Variants in CFAP61 observed in about 807,000 individuals in gnomAD.
CFAP61 encodes cilia- and flagella-associated protein 61.
CFAP61 carries 107 observed loss-of-function variants against 135.6 expected under a neutral mutation model. The ratio of observed to expected loss-of-function variants is 0.79; its 90% CI spans 0.67 to 0.93. CFAP61 has a LOEUF of 0.93. CFAP61 is among the 40% of genes least tolerant of loss of function. CFAP61 has a pLI of 0.00. For synonymous variants in CFAP61, 575 were observed against 578.5 expected (o/e 0.99, Z 0.09); for missense variants, 1,507 against 1,556.2 (o/e 0.97, Z 0.53).
Position 20,360,363 on chromosome 20 carries a change from T to C in CFAP61, c.3667T>C (p.Tyr1223His), listed in dbSNP as rs570689689. The C allele has an allele frequency of 2.5e-6, 4 of 1,613,908 alleles. No individual in the cohort carries two copies. The highest frequency in any genetic ancestry group is 3.3e-5 in the Admixed American group (2 of 60,030). The change falls in exon 27 of 27, where the codon TAT becomes CAT. Residue 1223 changes from tyrosine to histidine, a missense_variant. By Grantham distance (83) the Tyr-to-His change is moderately conservative (BLOSUM62 2). Coordinates refer to ENST00000245957, the MANE Select transcript of CFAP61 (RefSeq NM_015585.4). ...VERSTLDYLH[Y>H]NRYHLPMYAW... ...GAGAAGCACTCTTGACTACCTGCACTATAACCGCTACCACCTGCCCATGTA... is the reference window on the plus strand; with the variant it reads ...GAGAAGCACTCTTGACTACCTGCACCATAACCGCTACCACCTGCCCATGTA...
At position 20,196,704 on chromosome 20, in the gene CFAP61, G is replaced by A; in HGVS notation, c.1725G>A (p.Leu575=). 2 of 1,614,166 alleles carry A rather than the reference G, an allele frequency of 1.2e-6. No individual in the cohort carries two copies. The highest frequency in any genetic ancestry group is 4.5e-5 in the East Asian group (2 of 44,872). The change falls in exon 16 of 27, where the codon CTG becomes CTA. Residue 575 remains leucine (L), a synonymous_variant. Coordinates refer to ENST00000245957, the MANE Select transcript of CFAP61 (RefSeq NM_015585.4). Reference sequence around the variant, plus strand: ...TCCGGCACTACACCAAGTTCTTTCTGAAGGAGATCCTGCGTTTAGGCTTTA... The same window carrying A: ...TCCGGCACTACACCAAGTTCTTTCTAAAGGAGATCCTGCGTTTAGGCTTTA... ...PIFRHYTKFF[L]KEILRLGFKS...
intron 8 of CFAP61, among the ~76,000 whole-genome samples, chr20:20,109,152 A>T (rs1444652986): frequency 6.6e-6 from 1 of 152,112 alleles, no homozygotes; most frequent in Non-Finnish European, 1.5e-5. Context: ...AGTCCATCCT[A>T]TCTGGTGTGA....
intron 25 of CFAP61, among the ~76,000 whole-genome samples, chr20:20,303,151 A>G (rs531723273): frequency 6.6e-6 from 1 of 152,246 alleles, no homozygotes; most frequent in African/African-American, 2.4e-5. Context: ...TTACAGAAAG[A>G]TTTTGGTTGG....
At chr20:20,270,940 G>A (rs371685805) in intron 21 of CFAP61, among the ~76,000 whole-genome samples, 1 of 152,288 alleles carries the variant, frequency 6.6e-6, no homozygotes, top group African/African-American at 2.4e-5. Flanking sequence ...TCGAATTGCT[G>A]GGATTAGAGG....
chr20:20,335,176 T>C (rs2058137055), intron 25 of CFAP61, among the ~76,000 whole-genome samples: 1 of 152,200 alleles, frequency 6.6e-6, no homozygotes, highest in South Asian at 2.1e-4. Flanking sequence ...TGGAAAATAT[T>C]CTGTGGGTTT....
At chr20:20,292,985 A>G (rs2055110112) in intron 24 of CFAP61, among the ~76,000 whole-genome samples, 2 of 152,184 alleles carry the variant, frequency 1.3e-5, no homozygotes, top group Non-Finnish European at 2.9e-5. Context: ...TGTGTGGGAT[A>G]GGGACACTGT....
intron 14 of CFAP61, among the ~76,000 whole-genome samples, chr20:20,189,630 C>G (rs1262071227): frequency 6.6e-6 from 1 of 152,180 alleles, no homozygotes; most frequent in Non-Finnish European, 1.5e-5. Context: ...AGTGGAATAT[C>G]CCTGCACACC....
chr20:20,107,818 G>A (rs1024594877), intron 8 of CFAP61: 10 of 151,984 alleles, frequency 6.6e-5, no homozygotes, highest in African/African-American at 2.4e-4. Context: ...TTTGGAGACA[G>A]GGTTTCGTTT....
At chr20:20,338,838 C>T (rs754395716) in intron 25 of CFAP61, among the ~76,000 whole-genome samples, 3 of 152,216 alleles carry the variant, frequency 2.0e-5, no homozygotes, top group Non-Finnish European at 4.4e-5. Context: ...CCTCTGGAGA[C>T]GTCTAGTCAA....
intron 17 of CFAP61, among the ~76,000 whole-genome samples, chr20:20,200,348 G>A (rs908481266): frequency 1.3e-5 from 2 of 152,054 alleles, no homozygotes. Flanking sequence ...CGGGTCCTAA[G>A]CTGGTTTGTT....
chr20:20,132,949 A>T (rs1312714541), intron 8 of CFAP61, among the ~76,000 whole-genome samples: 2 of 152,004 alleles, frequency 1.3e-5, no homozygotes, highest in Non-Finnish European at 2.9e-5. Flanking sequence ...CTAGTGTCAT[A>T]ATTATTGTCT....
At chr20:20,236,613 C>T (rs532580440) in intron 18 of CFAP61, among the ~76,000 whole-genome samples, 8 of 152,224 alleles carry the variant, frequency 5.3e-5, no homozygotes, top group South Asian at 2.1e-4. Context: ...AAGCATTTCA[C>T]GAAGTCTCAT....
chr20:20,083,333 G>C (rs991932345), intron 6 of CFAP61, among the ~76,000 whole-genome samples: 1 of 151,938 alleles, frequency 6.6e-6, no homozygotes, highest in Admixed American at 6.6e-5. Flanking sequence ...GGACCGTGGG[G>C]GCTGGGGAGG....
intron 26 of CFAP61, among the ~76,000 whole-genome samples, chr20:20,358,006 G>C (rs1456046223): frequency 7.3e-6 from 1 of 136,620 alleles, no homozygotes; most frequent in African/African-American, 2.8e-5. Flanking sequence ...AGGGGAGGTG[G>C]TCACAGTGTG....
intron 7 of CFAP61, among the ~76,000 whole-genome samples, chr20:20,096,699 G>A (rs1383877737): frequency 6.6e-6 from 1 of 152,214 alleles, no homozygotes; most frequent in East Asian, 1.9e-4. Flanking sequence ...ACATATGGTA[G>A]ATGGATTGGT....
At chr20:20,130,119 C>T (rs911078841) in intron 8 of CFAP61, among the ~76,000 whole-genome samples, 22 of 151,398 alleles carry the variant, frequency 1.5e-4, no homozygotes, top group African/African-American at 5.1e-4. Context: ...GAAACCCCGT[C>T]TCTACTAAAG....
rs370005534 is a variant in CFAP61, at chr20:20,301,330, A to G, written c.3422+2944A>G. ...AGAAACCTGTACAAGTTTGTAACCT[A>G]GGAGCAACAGGGGCATATAGGCCAG... On this transcript the variant is annotated intron_variant, in intron 25 of 26. Transcript: ENST00000245957. 9.2e-5 allele frequency among the ~76,000 whole-genome samples: 14 copies of G among 152,356 alleles called. No homozygotes were observed. The South Asian group carries it at 2.9e-3, about 32-fold the overall frequency.
intron 5 of CFAP61, 84 bp from the exon 6 acceptor site, chr20:20,075,405 T>C: frequency 6.5e-7 from 1 of 1,527,280 alleles, no homozygotes; most frequent in Non-Finnish European, 9.1e-7. Context: ...AAGCACAATT[T>C]AGAATGGAAA....
At chr20:20,059,481 G>T (rs2044640537) in intron 2 of CFAP61, among the ~76,000 whole-genome samples, 1 of 151,550 alleles carries the variant, frequency 6.6e-6, no homozygotes, top group Admixed American at 6.6e-5. Context: ...AGCCAGGAGT[G>T]GTGGCACACA....
Sources: gnomAD v4.1 joint callset for allele counts (sites outside exome capture counted in the v4.1 genomes callset) on GRCh38, gnomAD v4.1.1 for gene constraint, MANE v1.5 for transcripts, NCBI Gene and HGNC (gene_info 2026-07-23, HGNC 2026-07-21) for gene names.